The following AGL variants were observed in gnomAD, a reference collection of about 807,000 sequenced individuals.
AGL encodes the protein amylo-alpha-1,6-glucosidase and 4-alpha-glucanotransferase.
AGL carries 128 observed loss-of-function variants against 199.3 expected under a neutral mutation model. That is an observed-to-expected ratio of 0.64 (90% CI 0.56 to 0.74). The LOEUF (loss-of-function observed/expected upper bound fraction) is 0.74. Among genes scored for constraint, AGL ranks in the 30% least tolerant of loss-of-function variants. The pLI is 0.00. For missense variants in AGL, 1,809 were observed against 1,820.8 expected, an observed-to-expected ratio of 0.99 and a Z score of 0.12; for synonymous variants, 584 against 594.7, an observed-to-expected ratio of 0.98 and a Z score of 0.26.
At chr1:99,867,803 C>T (rs1650650719) in intron 5 of AGL, among the ~76,000 whole-genome samples, 1 of 152,044 alleles carries the variant, frequency 6.6e-6, no homozygotes, top group Non-Finnish European at 1.5e-5. Flanking sequence ...CCTCCCAAAG[C>T]GTGAGCCACC....
chr1:99,854,259 T>A (rs1236217577), intron 2 of AGL, among the ~76,000 whole-genome samples: 1 of 152,184 alleles, frequency 6.6e-6, no homozygotes, highest in African/African-American at 2.4e-5. Context: ...CTTAGTGCAG[T>A]GTACTGCTGA....
At chr1:99,868,867 C>G (rs1650754027) in intron 5 of AGL, among the ~76,000 whole-genome samples, 1 of 151,284 alleles carries the variant, frequency 6.6e-6, no homozygotes, top group Admixed American at 6.6e-5. Flanking sequence ...TTCTGTCACC[C>G]AGGCTGTAGT....
Position 99,874,800 on chromosome 1 carries a change from A to G in AGL, c.1072A>G (p.Ile358Val), listed in dbSNP as rs923537550. 2.5e-6 allele frequency: 4 copies of G among 1,613,474 alleles called. No individual in the cohort carries two copies. The highest frequency in any genetic ancestry group is 2.2e-5 in the East Asian group (1 of 44,838). ...TATGAACATTGCACTAACGACTTTC[A>G]TACCACATGAGTATGTAATGTGTTT... ...VDMNIALTTF[I>V]PHDKGPAAIE... Residue 358 changes from isoleucine to valine, a missense_variant, in exon 8 of 34, where the codon ATA becomes GTA. By Grantham distance (29) the Ile-to-Val change is conservative. Transcript: ENST00000361915.
At position 99,895,967 on chromosome 1, in the gene AGL, C is replaced by A. The variant is rs868003340; in HGVS notation, c.3260-319C>A. ...CTCCAGCCTGGACAACAGAGCCAGA[C>A]CCTCTCTCAGAAAGAAGAAAAGTTT... On this transcript the variant is annotated intron_variant, in intron 24 of 33. Coordinates refer to ENST00000361915, the MANE Select transcript of AGL (RefSeq NM_000642.3). Among the ~76,000 whole-genome samples the A allele has an allele frequency of 9.2e-5, 14 of 152,184 alleles. 1 individual carries two copies. The South Asian group carries it at 2.9e-3, about 32-fold the overall frequency.
intron 5 of AGL, among the ~76,000 whole-genome samples, chr1:99,866,800 T>TTTTCTTTATTTATTTA (rs58319897): frequency 1.3e-4 from 20 of 151,134 alleles, no homozygotes; most frequent in Admixed American, 7.2e-4. Context: ...ACAAGTTTTC[T>TTTTCTTTATTTATTTA]TTTATTTATT....
At chr1:99,866,667 A>G (rs1650535003) in intron 5 of AGL, among the ~76,000 whole-genome samples, 2 of 152,358 alleles carry the variant, frequency 1.3e-5, no homozygotes, top group South Asian at 2.1e-4. Flanking sequence ...TGAGTACAGC[A>G]GCAGTCTCTA....
In AGL at chr1:99,884,460, A is replaced by G. The variant is rs541210799; in HGVS notation, c.2546+9A>G. ...AGTGTTATTATATTCAGGTATGTTA[A>G]TTGAGCTCAAACTGTTGACTTTACT... On this transcript the variant is annotated intron_variant, in intron 19 of 33. Coordinates refer to ENST00000361915, the MANE Select transcript of AGL (RefSeq NM_000642.3). 3.6e-5 allele frequency: 58 copies of G among 1,605,200 alleles called. 2 individuals carry two copies. The South Asian group carries it at 5.0e-4, about 14-fold the overall frequency.
chr1:99,871,110 T>C (rs1453921901), intron 7 of AGL, among the ~76,000 whole-genome samples: 1 of 152,220 alleles, frequency 6.6e-6, no homozygotes, highest in East Asian at 1.9e-4. Flanking sequence ...GTTAGTTCCA[T>C]AGAATGCTCA....
At chr1:99,870,646 A>G (rs1650914022) in intron 6 of AGL, 65 bp downstream of exon 6, 2 of 1,555,116 alleles carry the variant, frequency 1.3e-6, no homozygotes, top group Admixed American at 1.7e-5. Flanking sequence ...CATTAAATAT[A>G]TGGTTGAAAA....
At chr1:99,854,203 A>T (rs1649216562) in intron 2 of AGL, among the ~76,000 whole-genome samples, 1 of 152,328 alleles carries the variant, frequency 6.6e-6, no homozygotes, top group Non-Finnish European at 1.5e-5. Flanking sequence ...TTAAAAAAAA[A>T]TAAAAAATAA....
chr1:99,852,639 G>C (rs1356178706), intron 2 of AGL: 6 of 760,274 alleles, frequency 7.9e-6, no homozygotes, highest in African/African-American at 5.2e-5. Flanking sequence ...GCCTCTGAAA[G>C]TACTGGGATT....
At chr1:99,915,613 A>G in intron 31 of AGL, 127 bp downstream of exon 31, 1 of 761,694 alleles carries the variant, frequency 1.3e-6, no homozygotes. Context: ...ATAAAAGTTA[A>G]AAAAAAAATT....
chr1:99,850,998 T>G lies in AGL; in HGVS notation c.-45T>G. 6.7e-7 allele frequency: 1 copy of G among 1,492,048 alleles called. No homozygotes were observed. The highest frequency in any genetic ancestry group is 9.4e-7 in the Non-Finnish European group (1 of 1,069,340). The allele number at this position is 1,492,048 out of a possible 1,614,324, so 92.4% of individuals were successfully genotyped here. A position where few individuals can be genotyped will look rare whatever the true frequency, so the allele number is the denominator to read the frequency against. On this transcript the variant is annotated 5_prime_UTR_variant, in exon 2 of 34. Coordinates refer to ENST00000361915, the MANE Select transcript of AGL (RefSeq NM_000642.3). The stretch of plus-strand genomic sequence containing the variant: ...AGGGGTAACTCATTCGACTGTGGAG[T>G]TCTTTTAATTCTTATGAAAGATTTC...
In AGL at chr1:99,870,838, G is replaced by T; in HGVS notation, c.927G>T (p.Ala309=). 1 of 1,608,706 alleles carries T rather than the reference G, an allele frequency of 6.2e-7. No individual in the cohort carries two copies. Among genetic ancestry groups the T allele is most frequent in the African/African-American group, 1.3e-5 (1 of 74,832 alleles). Residue 309 remains alanine (A), a synonymous_variant, in exon 7 of 34, where the codon GCG becomes GCT. Coordinates refer to ENST00000361915, the MANE Select transcript of AGL (RefSeq NM_000642.3). ...TTTTCCAAGTAGATGTCAACAAAGCGGTTGAGCAATTTAGAAGACTTCTTA... is the reference window on the plus strand; with the variant it reads ...TTTTCCAAGTAGATGTCAACAAAGCTGTTGAGCAATTTAGAAGACTTCTTA... ...WEFFQVDVNK[A]VEQFRRLLTQ...
At position 99,880,791 on chromosome 1, in the gene AGL, T is replaced by C. The variant is rs138823746; in HGVS notation, c.1895T>C (p.Ile632Thr). 3.5e-5 allele frequency: 56 copies of C among 1,613,886 alleles called. No individual in the cohort carries two copies. The African/African-American group carries it at 6.4e-4, about 18-fold the overall frequency. The part of the protein sequence containing the change: ...MDITHDNECP[I>T]VHRSAYDALP... ...ATTACGCATGATAATGAGTGTCCTA[T>C]TGTGGTAAGCACCTAATCTTTTTCA... is the stretch of plus-strand genomic sequence containing the variant. Residue 632 changes from isoleucine (I) to threonine (T), a missense_variant, in exon 14 of 34, where the codon ATT becomes ACT. Ile to Thr is a moderately conservative substitution (Grantham distance 89). Transcript: ENST00000361915.
chr1:99,874,271 G>A (rs1163585211), intron 7 of AGL, among the ~76,000 whole-genome samples: 4 of 150,580 alleles, frequency 2.7e-5, no homozygotes, highest in South Asian at 2.1e-4. Flanking sequence ...AAAAAAAAAG[G>A]TACATGTATA....
Position 99,881,108 on chromosome 1 carries a change from T to C in AGL, c.1932T>C (p.Thr644=), listed in dbSNP as rs1302720818. The change falls in exon 15 of 34, where the codon ACT becomes ACC. Residue 644 remains threonine (T), a synonymous_variant. Transcript: ENST00000361915. Reference sequence around the variant, plus strand: ...CAGCGTATGATGCTCTTCCAAGTACTACAATTGTTTCTATGGCATGTTGTG... The same window carrying C: ...CAGCGTATGATGCTCTTCCAAGTACCACAATTGTTTCTATGGCATGTTGTG... The part of the protein sequence containing the change: ...HRSAYDALPS[T]TIVSMACCAS... 6.2e-7 allele frequency: 1 copy of C among 1,614,020 alleles called. No homozygotes were observed.
intron 27 of AGL, among the ~76,000 whole-genome samples, chr1:99,908,105 T>C (rs1265224087): frequency 6.6e-6 from 1 of 152,232 alleles, no homozygotes; most frequent in Non-Finnish European, 1.5e-5. Flanking sequence ...GTCATGAAGC[T>C]TTTGCCATAC....
chr1:99,870,355 CAATTT>C (rs1169324803), intron 5 of AGL, 40 bp from the exon 6 acceptor site: 1 of 1,571,532 alleles, frequency 6.4e-7, no homozygotes, highest in Non-Finnish European at 8.8e-7. Context: ...GATACAGTTT[CAATTT>C]AATTATGAGA....
Sources: allele counts gnomAD v4.1 joint callset (sites outside exome capture counted in the v4.1 genomes callset), GRCh38; gene constraint gnomAD v4.1.1; transcripts MANE v1.5; gene names NCBI Gene and HGNC (gene_info 2026-07-23, HGNC 2026-07-21).